Variants in SLC25A21 observed in about 807,000 individuals in gnomAD.
SLC25A21 encodes the protein mitochondrial 2-oxodicarboxylate carrier.
In SLC25A21, 47 loss-of-function variants were observed where a neutral mutation model predicts 43.8. The observed-to-expected ratio is 1.07, with a 90% CI of 0.85 to 1.37. The LOEUF is 1.37. SLC25A21 is among the 40% of genes most tolerant of loss of function. The pLI is 0.00. For synonymous variants in SLC25A21, 131 were observed against 121.3 expected, an observed-to-expected ratio of 1.08 and a Z score of -0.52; for missense variants, 352 against 350.2, an observed-to-expected ratio of 1.00 and a Z score of -0.04.
At chr14:37,084,763 T>C (rs76042017) in intron 1 of SLC25A21, among the ~76,000 whole-genome samples, 6,030 of 152,242 alleles carry the variant, frequency 0.04, 393 homozygotes, top group African/African-American at 0.14. Context: ...TTAGTTGCTA[T>C]AGACTACATA....
chr14:36,775,145 C>T (rs1281231763), intron 3 of SLC25A21, among the ~76,000 whole-genome samples: 2 of 152,212 alleles, frequency 1.3e-5, no homozygotes, highest in South Asian at 4.2e-4. Context: ...TTGCTTATTT[C>T]CAAAGAACTG....
At chr14:36,711,692 T>C (rs1477611571) in intron 6 of SLC25A21, among the ~76,000 whole-genome samples, 1 of 152,212 alleles carries the variant, frequency 6.6e-6, no homozygotes, top group Non-Finnish European at 1.5e-5. Context: ...ATAGAAAAGA[T>C]TGTTGGCAAA....
chr14:36,710,213 T>TA (rs1035066926), intron 7 of SLC25A21, among the ~76,000 whole-genome samples: 15 of 147,906 alleles, frequency 1.0e-4, no homozygotes, highest in South Asian at 4.3e-4. Context: ...GGTGCCAAAA[T>TA]AAAAAAAAAA....
Position 37,040,435 on chromosome 14 carries a change from GA to G in SLC25A21, c.70+131845del, listed in dbSNP as rs933179127. On this transcript the variant is annotated intron_variant, in intron 1 of 9. Transcript: ENST00000331299. ...AGAAAGAAAGAAAGAAAGAAAGAAA[GA>G]AAGAAAAGAAAAATTAGTTACAGGG... 2.0e-5 allele frequency among the ~76,000 whole-genome samples: 2 copies of G among 100,814 alleles called. 1 individual carries two copies. Among genetic ancestry groups the G allele is most frequent in the Admixed American group, 1.7e-4 (2 of 11,844 alleles). 66.1% of individuals were successfully genotyped at this position (100,814 alleles called of 152,430 possible). A position where few individuals can be genotyped will look rare whatever the true frequency, so the allele number is the denominator to read the frequency against.
intron 1 of SLC25A21, among the ~76,000 whole-genome samples, chr14:37,032,263 C>T (rs138397533): frequency 3.3e-4 from 50 of 152,204 alleles, no homozygotes; most frequent in African/African-American, 1.1e-3. Flanking sequence ...AAGCTGGGCG[C>T]GGTGGCTCAC....
At chr14:36,743,445 C>A (rs977203100) in intron 3 of SLC25A21, among the ~76,000 whole-genome samples, 1 of 150,142 alleles carries the variant, frequency 6.7e-6, no homozygotes, top group Non-Finnish European at 1.5e-5. Flanking sequence ...GAAAAAAAAA[C>A]AACTCTATTT....
At chr14:37,039,920 C>A (rs1422434538) in intron 1 of SLC25A21, among the ~76,000 whole-genome samples, 1 of 151,922 alleles carries the variant, frequency 6.6e-6, no homozygotes, top group East Asian at 1.9e-4. Flanking sequence ...GGGGGCTGGG[C>A]GCTGTGGCTC....
chr14:36,802,751 A>T (rs1365204217), intron 3 of SLC25A21, among the ~76,000 whole-genome samples: 1 of 152,218 alleles, frequency 6.6e-6, no homozygotes, highest in African/African-American at 2.4e-5. Flanking sequence ...GAATTTCCAC[A>T]GGTGGATAAA....
At chr14:37,083,697 A>G (rs1184043179) in intron 1 of SLC25A21, among the ~76,000 whole-genome samples, 1 of 152,236 alleles carries the variant, frequency 6.6e-6, no homozygotes, top group African/African-American at 2.4e-5. Flanking sequence ...AAGCATCAGC[A>G]GCACCTGGGA....
intron 7 of SLC25A21, among the ~76,000 whole-genome samples, chr14:36,700,649 C>CT (rs1883240236): frequency 6.6e-6 from 1 of 152,186 alleles, no homozygotes; most frequent in South Asian, 2.1e-4. Context: ...CTCTCACACT[C>CT]TTTTTGAAGA....
At chr14:36,685,956 C>A (rs1243006516) in intron 7 of SLC25A21, among the ~76,000 whole-genome samples, 4 of 152,298 alleles carry the variant, frequency 2.6e-5, no homozygotes, top group African/African-American at 9.6e-5. Context: ...TATCTTTTCC[C>A]TGCCCTCTCT....
At chr14:36,777,318 T>C (rs1349281882) in intron 3 of SLC25A21, among the ~76,000 whole-genome samples, 3 of 151,856 alleles carry the variant, frequency 2.0e-5, no homozygotes, top group Admixed American at 6.6e-5. Context: ...CCATCACATC[T>C]TAAATAAACA....
At chr14:37,045,616 A>C (rs1961571110) in intron 1 of SLC25A21, among the ~76,000 whole-genome samples, 1 of 152,236 alleles carries the variant, frequency 6.6e-6, no homozygotes, top group Admixed American at 6.5e-5. Flanking sequence ...TAACAAAAAC[A>C]AGAACTCATG....
chr14:36,856,931 C>A (rs1420157532), intron 2 of SLC25A21, among the ~76,000 whole-genome samples: 2 of 152,162 alleles, frequency 1.3e-5, no homozygotes, highest in Non-Finnish European at 2.9e-5. Flanking sequence ...GCTGTGCTAT[C>A]CAAGGAAGCT....
intron 1 of SLC25A21, among the ~76,000 whole-genome samples, chr14:37,025,986 G>A (rs751856125): frequency 2.6e-5 from 4 of 152,032 alleles, no homozygotes; most frequent in Non-Finnish European, 5.9e-5. Flanking sequence ...TACACTTTAC[G>A]ATGGGAGTCG....
At chr14:36,780,119 A>G (rs1886998103) in intron 3 of SLC25A21, among the ~76,000 whole-genome samples, 1 of 151,692 alleles carries the variant, frequency 6.6e-6, no homozygotes, top group South Asian at 2.1e-4. Context: ...TAGTTTATCA[A>G]TTTGTTGGCA....
At chr14:36,697,293 G>T (rs1883070460) in intron 7 of SLC25A21, among the ~76,000 whole-genome samples, 2 of 152,134 alleles carry the variant, frequency 1.3e-5, no homozygotes, top group Non-Finnish European at 2.9e-5. Context: ...TGTGATTTTT[G>T]TTCCTTTACA....
chr14:36,686,390 T>C (rs1242245273), intron 7 of SLC25A21, among the ~76,000 whole-genome samples: 1 of 152,160 alleles, frequency 6.6e-6, no homozygotes, highest in South Asian at 2.1e-4. Flanking sequence ...AATGCCTTTA[T>C]GTTACTCCTC....
chr14:36,691,044 G>A (rs560898486), intron 7 of SLC25A21, among the ~76,000 whole-genome samples: 66 of 152,310 alleles, frequency 4.3e-4, no homozygotes, highest in African/African-American at 1.5e-3. Flanking sequence ...ACATCCCAGA[G>A]CAGACGAGGT....
Sources: gnomAD v4.1 joint callset for allele counts (sites outside exome capture counted in the v4.1 genomes callset) on GRCh38, gnomAD v4.1.1 for gene constraint, MANE v1.5 for transcripts, NCBI Gene and HGNC (gene_info 2026-07-23, HGNC 2026-07-21) for gene names.